SLC25A12: variants seen among roughly 807,000 people sequenced by gnomAD.
SLC25A12 encodes electrogenic aspartate/glutamate antiporter SLC25A12, mitochondrial.
In SLC25A12, 32 loss-of-function variants were observed where a neutral mutation model predicts 83.3. The observed-to-expected ratio is 0.38, with a 90% confidence interval of 0.29 to 0.52. SLC25A12 has a LOEUF of 0.52. SLC25A12 is among the 20% of genes least tolerant of loss of function. The pLI is 0.84. For missense variants in SLC25A12, 611 were observed against 835.6 expected (o/e 0.73, Z 3.31); for synonymous variants, 267 against 291.1 (o/e 0.92, Z 0.84).
chr2:171,867,397 A>G (rs35712142), intron 3 of SLC25A12, among the ~76,000 whole-genome samples: 47,015 of 151,522 alleles, frequency 0.31, 7,592 homozygotes, highest in African/African-American at 0.38. Context: ...TCGGGAGGCC[A>G]AGGCTGGCGG....
At chr2:171,836,881 T>C (rs1328213544) in intron 6 of SLC25A12, among the ~76,000 whole-genome samples, 1 of 142,272 alleles carries the variant, frequency 7.0e-6, no homozygotes, top group Non-Finnish European at 1.6e-5. Context: ...AAAACTATGA[T>C]CCGGGAAAAG....
At chr2:171,878,221 CTT>C (rs909317981) in intron 2 of SLC25A12, among the ~76,000 whole-genome samples, 14 of 152,134 alleles carry the variant, frequency 9.2e-5, no homozygotes, top group African/African-American at 3.4e-4. Context: ...GGTCAGAAAA[CTT>C]GGGTTCTAAA....
At chr2:171,789,330 G>A (rs190894540) in intron 15 of SLC25A12, among the ~76,000 whole-genome samples, 7 of 152,260 alleles carry the variant, frequency 4.6e-5, no homozygotes, top group Admixed American at 4.6e-4. Flanking sequence ...CCAGGTTCAT[G>A]CCATTCTCCT....
Position 171,844,463 on chromosome 2 carries a change from A to T in SLC25A12, c.371T>A (p.Ile124Asn). 6.2e-7 allele frequency: 1 copy of T among 1,610,162 alleles called. No individual in the cohort carries two copies. Among genetic ancestry groups the T allele is most frequent in the Non-Finnish European group, 8.5e-7 (1 of 1,176,466 alleles). Reference sequence around the variant, plus strand: ...AAATTCACAATCCCAGTTAAAAGGGATATGATGATGAATAATAGTCTGTCC... The same window carrying T: ...AAATTCACAATCCCAGTTAAAAGGGTTATGATGATGAATAATAGTCTGTCC... ...IFGQTIIHHH[I>N]PFNWDCEFIR... The change falls in exon 5 of 18, where the codon ATC becomes AAC. Residue 124 changes from isoleucine to asparagine, a missense_variant. Coordinates refer to ENST00000422440, the MANE Select transcript of SLC25A12 (RefSeq NM_003705.5).
chr2:171,815,020 C>T (rs1477794424), intron 10 of SLC25A12, 101 bp downstream of exon 10: 1 of 938,338 alleles, frequency 1.1e-6, no homozygotes, highest in Non-Finnish European at 1.8e-6. Flanking sequence ...AAGTCGTGAC[C>T]CATGGGAACA....
At chr2:171,843,117 G>A (rs369643276) in intron 5 of SLC25A12, among the ~76,000 whole-genome samples, 1 of 151,944 alleles carries the variant, frequency 6.6e-6, no homozygotes. Context: ...TACCACACCT[G>A]GCCTAAATTG....
chr2:171,876,921 T>C (rs1442044930), intron 2 of SLC25A12, among the ~76,000 whole-genome samples: 1 of 152,234 alleles, frequency 6.6e-6, no homozygotes, highest in Non-Finnish European at 1.5e-5. Flanking sequence ...TGACATAAAG[T>C]AGCTGACAGT....
chr2:171,832,599 C>A (rs1684465865), intron 8 of SLC25A12, among the ~76,000 whole-genome samples: 1 of 152,154 alleles, frequency 6.6e-6, no homozygotes, highest in Admixed American at 6.5e-5. Context: ...CTGCAACTAC[C>A]AAGCACAAAT....
chr2:171,786,221 A>T (rs992336991), intron 17 of SLC25A12, among the ~76,000 whole-genome samples: 134 of 141,476 alleles, frequency 9.5e-4, no homozygotes, highest in African/African-American at 3.2e-3. Context: ...TAAAAATATT[A>T]AAAAAAAAAA....
chr2:171,893,875 G>A (rs919676882), intron 1 of SLC25A12, among the ~76,000 whole-genome samples: 1 of 151,806 alleles, frequency 6.6e-6, no homozygotes, highest in African/African-American at 2.4e-5. Context: ...AGCTTTACTT[G>A]CCACTTCCTC....
intron 4 of SLC25A12, chr2:171,845,647 T>C (rs1182020167): frequency 4.2e-6 from 1 of 240,708 alleles, no homozygotes; most frequent in Non-Finnish European, 8.6e-6. Flanking sequence ...CCCTTTAGTT[T>C]TATATACATA....
intron 3 of SLC25A12, among the ~76,000 whole-genome samples, chr2:171,868,020 T>A (rs1056494891): frequency 6.6e-6 from 1 of 151,250 alleles, no homozygotes; most frequent in South Asian, 2.1e-4. Context: ...AATTTTTGTA[T>A]TTTTTTTAGT....
intron 13 of SLC25A12, 91 bp downstream of exon 13, chr2:171,809,515 A>G: frequency 1.0e-6 from 1 of 986,580 alleles, no homozygotes. Flanking sequence ...CCTTGAGTTC[A>G]AGAGAAATGC....
chr2:171,834,134 T>C (rs1684506927), intron 7 of SLC25A12, 78 bp from the exon 8 acceptor site: 1 of 827,442 alleles, frequency 1.2e-6, no homozygotes, highest in Admixed American at 1.9e-5. Flanking sequence ...CCAACTATAA[T>C]ATAACCTGAA....
intron 2 of SLC25A12, among the ~76,000 whole-genome samples, chr2:171,890,906 T>A (rs1460466507): frequency 3.3e-5 from 5 of 152,218 alleles, no homozygotes; most frequent in Non-Finnish European, 7.3e-5. Flanking sequence ...TAAGCAGTTA[T>A]GAATTCCACA....
At chr2:171,808,771 A>G (rs1683887014) in intron 13 of SLC25A12, among the ~76,000 whole-genome samples, 1 of 152,156 alleles carries the variant, frequency 6.6e-6, no homozygotes, top group African/African-American at 2.4e-5. Flanking sequence ...ATAGGTATAC[A>G]TGTGCCATGT....
At chr2:171,861,637 G>A (rs1008811758) in intron 3 of SLC25A12, among the ~76,000 whole-genome samples, 24 of 152,124 alleles carry the variant, frequency 1.6e-4, no homozygotes, top group African/African-American at 5.8e-4. Context: ...TGAACTCCTA[G>A]CCTCAGGAGA....
intron 5 of SLC25A12, among the ~76,000 whole-genome samples, chr2:171,839,473 C>T (rs974553121): frequency 5.3e-5 from 8 of 152,054 alleles, no homozygotes; most frequent in African/African-American, 1.7e-4. Context: ...AGATCCTATG[C>T]CCTTGAAAAT....
At chr2:171,875,887 T>A (rs1025795325) in intron 2 of SLC25A12, among the ~76,000 whole-genome samples, 26 of 110,958 alleles carry the variant, frequency 2.3e-4, no homozygotes, top group African/African-American at 8.8e-4. Flanking sequence ...CACCACAGCC[T>A]GGGCGAGCGC....
Sources: allele counts gnomAD v4.1 joint callset (sites outside exome capture counted in the v4.1 genomes callset), GRCh38; gene constraint gnomAD v4.1.1; transcripts MANE v1.5; gene names NCBI Gene and HGNC (gene_info 2026-07-23, HGNC 2026-07-21).